PLPPR5: variants seen among roughly 807,000 people sequenced by gnomAD.
The protein encoded by PLPPR5 is phospholipid phosphatase-related protein type 5.
PLPPR5 carries 16 observed loss-of-function variants against 33.9 expected under a neutral mutation model. The ratio of observed to expected loss-of-function variants is 0.47; its 90% confidence interval spans 0.32 to 0.72. The LOEUF (loss-of-function observed/expected upper bound fraction) is 0.72. Ranked by LOEUF, PLPPR5 falls within the 30% of genes least tolerant of loss-of-function variation. The pLI is 0.03. For synonymous variants in PLPPR5, 163 were observed against 150.3 expected (o/e 1.08, Z -0.62); for missense variants, 301 against 406.7 (o/e 0.74, Z 2.23).
intron 1 of PLPPR5, among the ~76,000 whole-genome samples, chr1:98,959,186 T>C (rs1167501274): frequency 2.0e-5 from 3 of 152,206 alleles, no homozygotes; most frequent in Admixed American, 6.5e-5. Context: ...GGAGCCTGTA[T>C]ATGAAGTCCC....
At chr1:99,004,402 C>T in intron 1 of PLPPR5, 33 bp downstream of exon 1, 2 of 1,543,576 alleles carry the variant, frequency 1.3e-6, no homozygotes, top group Non-Finnish European at 1.8e-6. Context: ...AGATCAGGGA[C>T]TCGGCGACGA....
In PLPPR5 at chr1:98,938,420, C is replaced by CAA. The variant is rs544492984; in HGVS notation, c.621+14648_621+14649dup. ...CCTGAGAAACAGGGCAAGATCGTCTCAAAAAAAAAAAAAAAAAGTATAGTA... is the reference window on the plus strand; with the variant it reads ...CCTGAGAAACAGGGCAAGATCGTCTCAAAAAAAAAAAAAAAAAAAGTATAGTA... On this transcript the variant is annotated intron_variant, in intron 3 of 5. Transcript: ENST00000263177. Among the ~76,000 whole-genome samples, 47 of 80,710 alleles carry CAA rather than the reference C, an allele frequency of 5.8e-4. 2 individuals carry two copies. The highest frequency in any genetic ancestry group is 1.8e-3 in the Admixed American group (15 of 8,350). The allele number at this position is 80,710 out of a possible 152,430, so 52.9% of individuals were successfully genotyped here. A position where few individuals can be genotyped will look rare whatever the true frequency, so the allele number is the denominator to read the frequency against.
intron 3 of PLPPR5, among the ~76,000 whole-genome samples, chr1:98,922,786 C>A (rs926621708): frequency 6.6e-6 from 1 of 152,186 alleles, no homozygotes; most frequent in Non-Finnish European, 1.5e-5. Flanking sequence ...GAGATCGAGA[C>A]CATCCTGGCT....
intron 4 of PLPPR5, among the ~76,000 whole-genome samples, chr1:98,915,374 C>G (rs1649305100): frequency 6.6e-6 from 1 of 152,098 alleles, no homozygotes; most frequent in African/African-American, 2.4e-5. Flanking sequence ...TTGGTACTCT[C>G]TAACTTAGCA....
intron 1 of PLPPR5, among the ~76,000 whole-genome samples, chr1:99,001,943 G>T (rs1652867305): frequency 1.3e-5 from 2 of 151,760 alleles, no homozygotes; most frequent in South Asian, 2.1e-4. Flanking sequence ...AATAATTATT[G>T]CTTTCAGAGA....
chr1:98,935,454 A>G (rs1000544944), intron 3 of PLPPR5, among the ~76,000 whole-genome samples: 1 of 152,150 alleles, frequency 6.6e-6, no homozygotes, highest in Non-Finnish European at 1.5e-5. Context: ...TTTACTATTT[A>G]ATTTTCTTCA....
chr1:98,906,746 TC>T (rs1226468596), intron 5 of PLPPR5, among the ~76,000 whole-genome samples: 3 of 152,188 alleles, frequency 2.0e-5, no homozygotes, highest in African/African-American at 7.2e-5. Context: ...AACATCTAAT[TC>T]CAATATATAT....
At chr1:98,913,172 C>A (rs983307917) in intron 5 of PLPPR5, among the ~76,000 whole-genome samples, 2 of 152,182 alleles carry the variant, frequency 1.3e-5, no homozygotes, top group Non-Finnish European at 2.9e-5. Flanking sequence ...TTATGGGAAG[C>A]TATTGCTTCT....
intron 1 of PLPPR5, among the ~76,000 whole-genome samples, chr1:99,002,699 T>C (rs1027849078): frequency 3.3e-5 from 5 of 152,112 alleles, no homozygotes; most frequent in Non-Finnish European, 7.4e-5. Flanking sequence ...CGTCTCTAAC[T>C]AGCACCTGCC....
chr1:99,002,345 C>T (rs1195816623), intron 1 of PLPPR5, among the ~76,000 whole-genome samples: 3 of 152,216 alleles, frequency 2.0e-5, no homozygotes, highest in Non-Finnish European at 4.4e-5. Context: ...CTTATATTCT[C>T]AATGCCTGCC....
intron 3 of PLPPR5, among the ~76,000 whole-genome samples, chr1:98,939,793 G>T (rs1650306963): frequency 6.6e-6 from 1 of 151,872 alleles, no homozygotes; most frequent in Non-Finnish European, 1.5e-5. Context: ...TCTGGTCTTG[G>T]CTGTGGTTCT....
At chr1:98,898,997 A>C (rs1040380672) in intron 5 of PLPPR5, among the ~76,000 whole-genome samples, 1 of 152,160 alleles carries the variant, frequency 6.6e-6, no homozygotes, top group African/African-American at 2.4e-5. Flanking sequence ...AAGCCAAAGA[A>C]GCTTAAGGCT....
rs1649482528 is a variant in PLPPR5, at chr1:98,919,882, A to G, written c.798+2000T>C. Among the ~76,000 whole-genome samples the G allele has an allele frequency of 2.6e-5, 4 of 152,178 alleles. No individual in the cohort carries two copies. In the South Asian group the frequency reaches 8.3e-4, roughly 31 times the overall value. ...ACATGCACTATTTTGTTTAACCTTTATAGAGCCTTATAATGATCCTTTAGG... is the reference window on the plus strand; with the variant it reads ...ACATGCACTATTTTGTTTAACCTTTGTAGAGCCTTATAATGATCCTTTAGG... On this transcript the variant is annotated intron_variant, in intron 4 of 5. Transcript: ENST00000263177.
At chr1:98,957,315 G>A (rs973935926) in intron 1 of PLPPR5, among the ~76,000 whole-genome samples, 1 of 149,332 alleles carries the variant, frequency 6.7e-6, no homozygotes, top group South Asian at 2.1e-4. Flanking sequence ...GTGCACATGT[G>A]CCCTAAAACT....
At chr1:98,901,214 A>G (rs1290703004) in intron 5 of PLPPR5, among the ~76,000 whole-genome samples, 7 of 152,156 alleles carry the variant, frequency 4.6e-5, no homozygotes, top group Admixed American at 6.6e-5. Context: ...CTCAAAATGC[A>G]TGAGTCCACT....
At chr1:98,980,673 G>A (rs1389253540) in intron 1 of PLPPR5, among the ~76,000 whole-genome samples, 2 of 152,170 alleles carry the variant, frequency 1.3e-5, no homozygotes, top group African/African-American at 4.8e-5. Context: ...ATATATAGGT[G>A]TATATGTTAC....
Position 98,890,966 on chromosome 1 carries a change from C to T in PLPPR5, c.*2106G>A, listed in dbSNP as rs765851761. ...TGGCTAAGGCTTCCAACAGGAAAAACATTCCTGCTTGGCTGCTTGGAAGTC... is the reference window on the plus strand; with the variant it reads ...TGGCTAAGGCTTCCAACAGGAAAAATATTCCTGCTTGGCTGCTTGGAAGTC... On this transcript the variant is annotated 3_prime_UTR_variant, in exon 6 of 6. Coordinates refer to ENST00000263177, the MANE Select transcript of PLPPR5 (RefSeq NM_001037317.2). The T allele has an allele frequency of 1.4e-4, 21 of 152,132 alleles. No individual in the cohort carries two copies. The highest frequency in any genetic ancestry group is 2.9e-4 in the Non-Finnish European group (20 of 68,020). 9.4% of individuals were successfully genotyped at this position (152,132 alleles called of 1,614,324 possible).
At chr1:98,924,665 T>C (rs1181760304) in intron 3 of PLPPR5, among the ~76,000 whole-genome samples, 2 of 152,200 alleles carry the variant, frequency 1.3e-5, no homozygotes, top group Admixed American at 1.3e-4. Context: ...CTTGTCCAAG[T>C]TGTATGAGAC....
chr1:98,905,929 C>G (rs564584980), intron 5 of PLPPR5, among the ~76,000 whole-genome samples: 151 of 152,024 alleles, frequency 9.9e-4, no homozygotes, highest in African/African-American at 3.5e-3. Context: ...CTTGAAAATT[C>G]TGAAGACATT....
Sources: allele counts gnomAD v4.1 joint callset (sites outside exome capture counted in the v4.1 genomes callset), GRCh38; gene constraint gnomAD v4.1.1; transcripts MANE v1.5; gene names NCBI Gene and HGNC (gene_info 2026-07-23, HGNC 2026-07-21).